PARVA: variants seen among roughly 807,000 people sequenced by gnomAD.
PARVA encodes the protein parvin alpha.
A neutral mutation model predicts 52.6 loss-of-function variants in PARVA; 25 were observed. That is an observed-to-expected ratio of 0.48 (90% CI 0.35 to 0.66). The LOEUF (loss-of-function observed/expected upper bound fraction) is 0.66. Among genes scored for constraint, PARVA ranks in the 30% least tolerant of loss-of-function variants. The probability of loss-of-function intolerance (pLI) is 0.01; values close to 1 mark genes in which losing one functional copy is unlikely to be tolerated. For missense variants in PARVA, 373 were observed against 450.9 expected, an observed-to-expected ratio of 0.83 and a Z score of 1.56; for synonymous variants, 185 against 179.1, an observed-to-expected ratio of 1.03 and a Z score of -0.26.
At chr11:12,454,609 G>A (rs988589519) in intron 1 of PARVA, among the ~76,000 whole-genome samples, 1 of 151,312 alleles carries the variant, frequency 6.6e-6, no homozygotes, top group African/African-American at 2.4e-5. Flanking sequence ...ACTTCTGACT[G>A]TGGAAAACTT....
intron 1 of PARVA, among the ~76,000 whole-genome samples, chr11:12,459,014 A>T (rs1471993439): frequency 6.6e-6 from 1 of 152,074 alleles, no homozygotes; most frequent in African/African-American, 2.4e-5. Flanking sequence ...GCAACTCCAA[A>T]CTAAGACATT....
Position 12,496,528 on chromosome 11 carries a change from G to T in PARVA, c.471G>T (p.Leu157=), listed in dbSNP as rs754964245. ...TQSEIAQKQK[L]QTVLEKINET... is the part of the protein sequence containing the mutation. ...CAGAGATTGCTCAGAAGCAAAAACTGCAGACTGTCCTGGAGAAGATCAATG... is the reference window on the plus strand; with the variant it reads ...CAGAGATTGCTCAGAAGCAAAAACTTCAGACTGTCCTGGAGAAGATCAATG... Residue 157 remains leucine (L), a synonymous_variant, in exon 5 of 13, where the codon CTG becomes CTT. Coordinates refer to ENST00000334956, the MANE Select transcript of PARVA (RefSeq NM_018222.5). 1.2e-6 allele frequency: 2 copies of T among 1,610,638 alleles called. No homozygotes were observed. The highest frequency in any genetic ancestry group is 1.7e-6 in the Non-Finnish European group (2 of 1,178,518).
intron 12 of PARVA, among the ~76,000 whole-genome samples, chr11:12,527,538 C>T (rs1941719619): frequency 6.6e-6 from 1 of 152,122 alleles, no homozygotes; most frequent in Non-Finnish European, 1.5e-5. Flanking sequence ...CCACTGCAGC[C>T]CCAGGCCTTC....
chr11:12,471,189 G>T (rs1388793761), intron 1 of PARVA, among the ~76,000 whole-genome samples: 4 of 152,154 alleles, frequency 2.6e-5, no homozygotes, highest in African/African-American at 9.7e-5. Context: ...GGGTATGAGG[G>T]TGTTGAGAAT....
intron 8 of PARVA, among the ~76,000 whole-genome samples, chr11:12,512,910 T>C (rs905219489): frequency 6.6e-6 from 1 of 152,150 alleles, no homozygotes; most frequent in Non-Finnish European, 1.5e-5. Context: ...TTTTTGAAAA[T>C]TGGGGGGTGA....
At chr11:12,385,910 C>CTTTAT (rs1186471329) in intron 1 of PARVA, among the ~76,000 whole-genome samples, 18 of 152,206 alleles carry the variant, frequency 1.2e-4, no homozygotes, top group Non-Finnish European at 2.2e-4. Flanking sequence ...CTGCCCCATC[C>CTTTAT]TCCATTTTAT....
At chr11:12,388,740 TAA>T (rs1939615532) in intron 1 of PARVA, among the ~76,000 whole-genome samples, 1 of 152,144 alleles carries the variant, frequency 6.6e-6, no homozygotes, top group African/African-American at 2.4e-5. Context: ...GTTGTAAAGA[TAA>T]GTTTTTTTAT....
intron 1 of PARVA, among the ~76,000 whole-genome samples, chr11:12,448,513 G>A (rs1940578076): frequency 6.6e-6 from 1 of 152,186 alleles, no homozygotes; most frequent in Admixed American, 6.5e-5. Flanking sequence ...GGGATGAGGT[G>A]CTCAGCAGAT....
At position 12,386,825 on chromosome 11, in the gene PARVA, T is replaced by C. The variant is rs1939578430; in HGVS notation, c.136+9042T>C. 2.0e-5 allele frequency among the ~76,000 whole-genome samples: 3 copies of C among 152,204 alleles called. No individual in the cohort carries two copies. In the South Asian group the frequency reaches 6.2e-4, roughly 32 times the overall value. On this transcript the variant is annotated intron_variant, in intron 1 of 12. Transcript: ENST00000334956. ...TTCACCCAGCTTCTCTCAAATTCAG[T>C]TTTATTGTCTGTGTAGGGTGGTCTG... is the stretch of plus-strand genomic sequence containing the variant.
intron 1 of PARVA, among the ~76,000 whole-genome samples, chr11:12,460,194 C>T (rs990964552): frequency 6.6e-6 from 1 of 152,062 alleles, no homozygotes; most frequent in East Asian, 1.9e-4. Flanking sequence ...GAAACATTTT[C>T]GTATAGAAAG....
chr11:12,527,695 C>T lies in PARVA; in HGVS notation c.1043-154C>T, dbSNP rs977507705. Among the ~76,000 whole-genome samples the T allele has an allele frequency of 1.4e-4, 22 of 152,172 alleles. 1 individual carries two copies. Among genetic ancestry groups the T allele is most frequent in the Admixed American group, 1.1e-3 (17 of 15,282 alleles). The stretch of plus-strand genomic sequence containing the variant: ...CCCAGCACCTCTACCCTCACTGCCC[C>T]CTGCTCTGAATTCTCGCTGCCCACT... On this transcript the variant is annotated intron_variant, in intron 12 of 12. Transcript: ENST00000334956.
chr11:12,523,753 G>A (rs908118415), intron 12 of PARVA, among the ~76,000 whole-genome samples: 1 of 152,188 alleles, frequency 6.6e-6, no homozygotes, highest in Non-Finnish European at 1.5e-5. Flanking sequence ...CCATAGTCCT[G>A]GCTGTCTGCC....
chr11:12,524,491 T>C (rs1369896279), intron 12 of PARVA, among the ~76,000 whole-genome samples: 1 of 152,216 alleles, frequency 6.6e-6, no homozygotes, highest in Non-Finnish European at 1.5e-5. Flanking sequence ...TCCCCCTGCC[T>C]CTATCAGTAT....
chr11:12,480,036 C>A (rs1941066466), intron 4 of PARVA: 1 of 152,110 alleles, frequency 6.6e-6, no homozygotes, highest in Non-Finnish European at 1.5e-5. Context: ...GCAGCCTGGT[C>A]AACATGGTGA....
chr11:12,396,558 G>A (rs902436966), intron 1 of PARVA, among the ~76,000 whole-genome samples: 3 of 152,158 alleles, frequency 2.0e-5, no homozygotes, highest in Non-Finnish European at 4.4e-5. Context: ...GTCTCATAAG[G>A]TTGTCTTGAA....
At chr11:12,511,562 C>T in intron 8 of PARVA, 29 bp downstream of exon 8, 1 of 1,611,548 alleles carries the variant, frequency 6.2e-7, no homozygotes, top group South Asian at 1.1e-5. Flanking sequence ...TCCTCTGGCA[C>T]TGGTGGCTGC....
At chr11:12,425,225 A>C (rs6485727) in intron 1 of PARVA, among the ~76,000 whole-genome samples, 2 of 152,074 alleles carry the variant, frequency 1.3e-5, no homozygotes, top group South Asian at 2.1e-4. Flanking sequence ...TCTGTGTTTT[A>C]AATTTTTTAT....
intron 4 of PARVA, chr11:12,480,356 T>C (rs1024784649): frequency 6.6e-6 from 1 of 151,930 alleles, no homozygotes; most frequent in Non-Finnish European, 1.5e-5. Flanking sequence ...TCCAACTGAA[T>C]ACAGAGAGGA....
At chr11:12,426,021 C>T (rs1940228190) in intron 1 of PARVA, among the ~76,000 whole-genome samples, 1 of 151,870 alleles carries the variant, frequency 6.6e-6, no homozygotes. Flanking sequence ...TGATTGAGTA[C>T]CTCCCATGTG....
Sources: allele counts gnomAD v4.1 joint callset (sites outside exome capture counted in the v4.1 genomes callset), GRCh38; gene constraint gnomAD v4.1.1; transcripts MANE v1.5; gene names NCBI Gene and HGNC (gene_info 2026-07-23, HGNC 2026-07-21).